The following CACNA1A variants were observed in gnomAD, a reference collection of about 807,000 sequenced individuals.
CACNA1A encodes the protein calcium voltage-gated channel subunit alpha1 A.
CACNA1A carries 57 observed loss-of-function variants against 262.4 expected under a neutral mutation model. That is an observed-to-expected ratio of 0.22 (90% CI 0.18 to 0.27). The LOEUF (loss-of-function observed/expected upper bound fraction) is 0.27. Ranked by LOEUF, CACNA1A falls within the 10% of genes least tolerant of loss-of-function variation. The pLI, the probability that CACNA1A is intolerant of heterozygous loss-of-function variation, is 1.00. For synonymous variants in CACNA1A, 1,431 were observed against 1,419.3 expected (o/e 1.01, Z -0.18); for missense variants, 2,526 against 3,562.8 (o/e 0.71, Z 7.41).
intron 1 of CACNA1A, among the ~76,000 whole-genome samples, chr19:13,497,572 A>T: frequency 2.6e-5 from 1 of 38,924 alleles, no homozygotes; most frequent in African/African-American, 9.8e-5. Flanking sequence ...ATATATATAT[A>T]TATATATAAA....
intron 1 of CACNA1A, among the ~76,000 whole-genome samples, chr19:13,465,648 C>A (rs1254920662): frequency 1.3e-5 from 2 of 152,040 alleles, no homozygotes; most frequent in Non-Finnish European, 2.9e-5. Context: ...CCACACCTGG[C>A]TAGTTTTTTG....
At chr19:13,233,587 G>C (rs899124305) in intron 34 of CACNA1A, among the ~76,000 whole-genome samples, 2 of 151,910 alleles carry the variant, frequency 1.3e-5, no homozygotes, top group Admixed American at 1.3e-4. Flanking sequence ...TCCTGGGCTC[G>C]AGCAATCCTC....
At chr19:13,472,347 TTGTATATA>T (rs953093940) in intron 1 of CACNA1A, among the ~76,000 whole-genome samples, 6 of 151,924 alleles carry the variant, frequency 3.9e-5, no homozygotes, top group African/African-American at 1.5e-4. Context: ...TATTATATGT[TTGTATATA>T]TGTATATATA....
intron 4 of CACNA1A, among the ~76,000 whole-genome samples, chr19:13,370,591 ATT>A (rs35234045): frequency 1.5e-4 from 21 of 139,692 alleles, no homozygotes; most frequent in Non-Finnish European, 1.4e-4. Flanking sequence ...ATGCCTGCTA[ATT>A]TTTTTTTTTT....
chr19:13,460,839 T>C (rs1222670506), intron 1 of CACNA1A, among the ~76,000 whole-genome samples: 1 of 152,140 alleles, frequency 6.6e-6, no homozygotes, highest in African/African-American at 2.4e-5. Flanking sequence ...GTCACATCCA[T>C]CAACCCCCTT....
At position 13,208,877 on chromosome 19, in the gene CACNA1A, GGATGGTGGTGGTGGTGGTGGTGGT is replaced by G; in HGVS notation, c.6635_6658del (p.His2212_His2219del). ...ATAGCGGTCCTTGTCGGGGGGCGGG[GGATGGTGGTGGTGGTGGTGGTGGT>G]GGTGGTGCTGTCGATGCTTCCGATC... On this transcript the variant is annotated inframe_deletion, in exon 46 of 47. Coordinates refer to ENST00000360228, the MANE Select transcript of CACNA1A (RefSeq NM_001127222.2). The G allele has an allele frequency of 1.4e-6, 2 of 1,459,946 alleles. No homozygotes were observed. Among genetic ancestry groups the G allele is most frequent in the South Asian group, 1.2e-5 (1 of 81,076 alleles). The allele number at this position is 1,459,946 out of a possible 1,614,324, so 90.4% of individuals were successfully genotyped here. A position where few individuals can be genotyped will look rare whatever the true frequency, so the allele number is the denominator to read the frequency against.
intron 1 of CACNA1A, among the ~76,000 whole-genome samples, chr19:13,460,098 C>T (rs1186343199): frequency 6.6e-6 from 1 of 152,154 alleles, no homozygotes. Context: ...CACAGACATG[C>T]CCCAGATGGA....
At chr19:13,436,518 T>A (rs1415343385) in intron 3 of CACNA1A, among the ~76,000 whole-genome samples, 4 of 147,992 alleles carry the variant, frequency 2.7e-5, no homozygotes, top group African/African-American at 1.0e-4. Context: ...AATTCACTCA[T>A]TCATTCATTC....
At chr19:13,379,992 A>C (rs1394849377) in intron 3 of CACNA1A, among the ~76,000 whole-genome samples, 1 of 140,480 alleles carries the variant, frequency 7.1e-6, no homozygotes, top group Non-Finnish European at 1.5e-5. Flanking sequence ...AGAGCTACTT[A>C]TGAAATTTTA....
chr19:13,250,805 C>A (rs1281122725), intron 30 of CACNA1A, among the ~76,000 whole-genome samples: 1 of 152,152 alleles, frequency 6.6e-6, no homozygotes, highest in East Asian at 1.9e-4. Flanking sequence ...GCAAGGGCTT[C>A]AAGGTTACCT....
At chr19:13,289,823 C>T (rs943039911) in intron 19 of CACNA1A, among the ~76,000 whole-genome samples, 9 of 151,918 alleles carry the variant, frequency 5.9e-5, no homozygotes, top group African/African-American at 1.7e-4. Flanking sequence ...GCAATGGGAA[C>T]GTCTATCCTA....
chr19:13,207,833 G>C lies in CACNA1A; in HGVS notation c.7001C>G (p.Ala2334Gly), dbSNP rs1006331824. Reference sequence around the variant, plus strand: ...TGGGTACCTCCGAGGGCCGCTGGTGGCCGCCCGGCCCGGCCTGGCCACCGC... The same window carrying C: ...TGGGTACCTCCGAGGGCCGCTGGTGCCCGCCCGGCCCGGCCTGGCCACCGC... Reference protein sequence around the residue: ...QQAVARPGRAATSGPRRYPGP... With the variant: ...QQAVARPGRAGTSGPRRYPGP... The change falls in exon 47 of 47, where the codon GCC becomes GGC. Residue 2334 changes from alanine (A) to glycine (G), a missense_variant. By Grantham distance (60) the Ala-to-Gly change is moderately conservative (BLOSUM62 0). Transcript: ENST00000360228. This position sits in a 1 kb window ranked among gnomAD's most constrained non-coding sequence, Gnocchi z 5.7. The C allele has an allele frequency of 4.1e-6, 6 of 1,465,256 alleles. No individual in the cohort carries two copies. Among genetic ancestry groups the C allele is most frequent in the East Asian group, 5.7e-5 (2 of 34,834 alleles). 90.8% of individuals were successfully genotyped at this position (1,465,256 alleles called of 1,614,324 possible). A position where few individuals can be genotyped will look rare whatever the true frequency, so the allele number is the denominator to read the frequency against.
Position 13,212,359 on chromosome 19 carries a change from T to G in CACNA1A, c.6189+25A>C. ...TGAACCACCCGGGCCCTGGGAGCCA[T>G]TGGGGAGTTGGGGGACAGAGGCACC... On this transcript the variant is annotated intron_variant, in intron 42 of 46. Coordinates refer to ENST00000360228, the MANE Select transcript of CACNA1A (RefSeq NM_001127222.2). This position sits in a 1 kb window ranked among gnomAD's most constrained non-coding sequence, Gnocchi z 5.6. 1 of 1,612,936 alleles carries G rather than the reference T, an allele frequency of 6.2e-7. No homozygotes were observed. The highest frequency in any genetic ancestry group is 1.1e-5 in the South Asian group (1 of 90,908).
rs570563551 is a variant in CACNA1A at position 13,213,855 on chromosome 19, A to AT, written c.5940+377dup. On this transcript the variant is annotated intron_variant, in intron 40 of 46. Transcript: ENST00000360228. ...CATGGCGCCACATGCAGCTAATTTT[A>AT]TTTTTTTTTTGTAGAGATATGGGTC... The AT allele has an allele frequency of 6.9e-3, 1,114 of 161,750 alleles. 5 individuals carry two copies. The highest frequency in any genetic ancestry group is 9.6e-3 in the Non-Finnish European group (723 of 75,030). The allele number at this position is 161,750 out of a possible 1,614,324, so 10.0% of individuals were successfully genotyped here.
chr19:13,457,845 CTCCGTTTCAAAAAAAAAA>C (rs2061042633), intron 1 of CACNA1A, among the ~76,000 whole-genome samples: 7 of 137,926 alleles, frequency 5.1e-5, no homozygotes, highest in African/African-American at 2.1e-4. Flanking sequence ...AAAAGCAAAA[CTCCGTTTCAAAAAAAAAA>C]AAAAAAAAGG....
At chr19:13,295,831 G>C (rs2057654842) in intron 19 of CACNA1A, among the ~76,000 whole-genome samples, 1 of 152,036 alleles carries the variant, frequency 6.6e-6, no homozygotes, top group African/African-American at 2.4e-5. Context: ...TTTTACATAA[G>C]AACACAACAT....
intron 19 of CACNA1A, among the ~76,000 whole-genome samples, chr19:13,289,009 C>T (rs534716761): frequency 1.7e-4 from 26 of 152,256 alleles, no homozygotes; most frequent in African/African-American, 6.3e-4. Context: ...GAGGCAGTTC[C>T]ACTGTTTCTC....
At chr19:13,445,229 G>C (rs2060788069) in intron 3 of CACNA1A, among the ~76,000 whole-genome samples, 1 of 151,758 alleles carries the variant, frequency 6.6e-6, no homozygotes, top group Non-Finnish European at 1.5e-5. Context: ...TCTTTTCCTT[G>C]CCTCTGATCT....
rs1028442279 is a variant in CACNA1A, at chr19:13,444,996, C to T, written c.539+7880G>A. On this transcript the variant is annotated intron_variant, in intron 3 of 46. Coordinates refer to ENST00000360228, the MANE Select transcript of CACNA1A (RefSeq NM_001127222.2). ...CTACTAAACATACAAAAAAATTACC[C>T]GGGCTTGGTGGTACATGCCTGTAAT... 6.6e-5 allele frequency among the ~76,000 whole-genome samples: 10 copies of T among 152,032 alleles called. No individual in the cohort carries two copies. In the South Asian group the frequency reaches 1.5e-3, roughly 22 times the overall value.
Sources: gnomAD v4.1 joint callset for allele counts (sites outside exome capture counted in the v4.1 genomes callset) on GRCh38, gnomAD v4.1.1 for gene constraint, Gnocchi (gnomAD v3.1) non-coding constraint, MANE v1.5 for transcripts, NCBI Gene and HGNC (gene_info 2026-07-23, HGNC 2026-07-21) for gene names.